GSS: variants seen among roughly 807,000 people sequenced by gnomAD.
GSS encodes the protein GSH synthetase.
GSS carries 34 observed loss-of-function variants against 60.4 expected under a neutral mutation model. The observed-to-expected ratio is 0.56, with a 90% CI of 0.43 to 0.75. GSS has a LOEUF of 0.75. Ranked by LOEUF, GSS falls within the 30% of genes least tolerant of loss-of-function variation. The probability of loss-of-function intolerance (pLI) is 0.00; values close to 1 mark genes in which losing one functional copy is unlikely to be tolerated. For missense variants in GSS, 499 were observed against 595.1 expected, an observed-to-expected ratio of 0.84 and a Z score of 1.68; for synonymous variants, 224 against 239.0, an observed-to-expected ratio of 0.94 and a Z score of 0.58.
upstream of GSS, chr20:34,955,979 G>A (rs1218735856): frequency 6.6e-6 from 1 of 152,340 alleles, no homozygotes; most frequent in Admixed American, 6.5e-5. Context: ...GGAGGGGAGG[G>A]GACCATCGGG....
intron 9 of GSS, among the ~76,000 whole-genome samples, chr20:34,932,587 C>A (rs1488747487): frequency 6.6e-6 from 1 of 152,222 alleles, no homozygotes; most frequent in Non-Finnish European, 1.5e-5. Flanking sequence ...GCTTTTCCCT[C>A]AACCTGAAAC....
chr20:34,942,918 TG>T lies in GSS; in HGVS notation c.351+12del. 1.3e-6 allele frequency: 2 copies of T among 1,564,878 alleles called. No homozygotes were observed. The highest frequency in any genetic ancestry group is 1.1e-5 in the South Asian group (1 of 88,900). Reference sequence around the variant, plus strand: ...GACAGGTTACAGACTGGAGTAGGGCTGGGAATGGTTACCTGGGCAATGCCCT... The same window carrying T: ...GACAGGTTACAGACTGGAGTAGGGCTGGAATGGTTACCTGGGCAATGCCCT... On this transcript the variant is annotated intron_variant, in intron 4 of 12. Transcript: ENST00000651619.
At position 34,940,398 on chromosome 20, in the gene GSS, C is replaced by T. The variant is rs115552532; in HGVS notation, c.608+1315G>A. On this transcript the variant is annotated intron_variant, in intron 6 of 12. Transcript: ENST00000651619. ...ACTTGAAAGAATATTTGTCTGATGA[C>T]TTCTAAATGCTTACAGTCTGAGGTT... Among the ~76,000 whole-genome samples the T allele has an allele frequency of 9.0e-3, 1,365 of 152,312 alleles. 28 individuals carry two copies. Among genetic ancestry groups the T allele is most frequent in the African/African-American group, 0.031 (1,298 of 41,554 alleles).
At position 34,936,853 on chromosome 20, in the gene GSS, G is replaced by C. The variant is rs751146392; in HGVS notation, c.690-13C>G. ...CACATGGATGTTCCTGGGAAAAATG[G>C]GCAAGAGCCAGAGGGAATGGATGCT... On this transcript the variant is annotated splice_polypyrimidine_tract_variant and intron_variant, in intron 7 of 12. Transcript: ENST00000651619. 1 of 1,613,378 alleles carries C rather than the reference G, an allele frequency of 6.2e-7. No homozygotes were observed. The highest frequency in any genetic ancestry group is 8.5e-7 in the Non-Finnish European group (1 of 1,179,326).
At position 34,946,106 on chromosome 20, in the gene GSS, C is replaced by T. The variant is rs376165467; in HGVS notation, c.130-8G>A. ...TGGGGCATAGCTCACCACCTGTGATCAAGAAGAGAGAATGGGACAGGGGTA... is the reference window on the plus strand; with the variant it reads ...TGGGGCATAGCTCACCACCTGTGATTAAGAAGAGAGAATGGGACAGGGGTA... On this transcript the variant is annotated splice_polypyrimidine_tract_variant and splice_region_variant and intron_variant, in intron 2 of 12. Transcript: ENST00000651619. 5 of 1,605,736 alleles carry T rather than the reference C, an allele frequency of 3.1e-6. No homozygotes were observed. Among genetic ancestry groups the T allele is most frequent in the African/African-American group, 1.3e-5 (1 of 74,678 alleles).
chr20:34,938,705 G>A (rs942911482), intron 6 of GSS, among the ~76,000 whole-genome samples: 3 of 152,206 alleles, frequency 2.0e-5, no homozygotes, highest in African/African-American at 7.2e-5. Flanking sequence ...CCTGCCAACT[G>A]CTAAACAATC....
At chr20:34,949,723 A>T (rs2081552120) in intron 2 of GSS, 1 of 152,110 alleles carries the variant, frequency 6.6e-6, no homozygotes, top group African/African-American at 2.4e-5. Flanking sequence ...CGGTTTCCTT[A>T]TCTCTGTTGT....
At chr20:34,929,025 T>G in intron 12 of GSS, 74 bp from the exon 13 acceptor site, 1 of 1,575,616 alleles carries the variant, frequency 6.3e-7, no homozygotes, top group Non-Finnish European at 8.7e-7. Context: ...TGGACCCAGC[T>G]GAGCAGTACC....
Position 34,938,362 on chromosome 20 carries a change from G to A in GSS, c.609-1339C>T, listed in dbSNP as rs2081457158. ...TGTTTGCCTGACTCCTTTCTGCTTA[G>A]CCAAAATATAGGTCTTAGTAAGTCC... On this transcript the variant is annotated intron_variant, in intron 6 of 12. Coordinates refer to ENST00000651619, the MANE Select transcript of GSS (RefSeq NM_000178.4). Among the ~76,000 whole-genome samples the A allele has an allele frequency of 4.6e-5, 7 of 152,270 alleles. No individual in the cohort carries two copies. The South Asian group carries it at 1.5e-3, about 32-fold the overall frequency.
In GSS at chr20:34,945,945, T is replaced by C. The variant is rs1555888744; in HGVS notation, c.275+8A>G. 5.6e-6 allele frequency: 9 copies of C among 1,613,864 alleles called. No homozygotes were observed. The highest frequency in any genetic ancestry group is 7.6e-6 in the Non-Finnish European group (9 of 1,179,862). ...CTCCTGGCCCCCCAATGCTTCACTG[T>C]CCCCTACCTGGAAAGAGTTTGCTCC... is the stretch of plus-strand genomic sequence containing the variant. On this transcript the variant is annotated splice_region_variant and intron_variant, in intron 3 of 12. Coordinates refer to ENST00000651619, the MANE Select transcript of GSS (RefSeq NM_000178.4).
chr20:34,946,068 G>C lies in GSS; in HGVS notation c.160C>G (p.Pro54Ala), dbSNP rs1159775868. ...VVSYAPFTLF[P>A]SLVPSALLEQ... ...AGCAGGGCACTGGGGACCAGTGAGG[G>C]GAAGAGCGTGAATGGGGCATAGCTC... The change falls in exon 3 of 13, where the codon CCC becomes GCC. Residue 54 changes from proline (P) to alanine (A), a missense_variant. By Grantham distance (27) the Pro-to-Ala change is conservative. Transcript: ENST00000651619. 1.2e-6 allele frequency: 2 copies of C among 1,613,436 alleles called. No individual in the cohort carries two copies. Among genetic ancestry groups the C allele is most frequent in the East Asian group, 4.5e-5 (2 of 44,896 alleles).
chr20:34,952,097 A>C, intron 1 of GSS: 2 of 554,398 alleles, frequency 3.6e-6, no homozygotes, highest in Non-Finnish European at 6.6e-6. Context: ...TCCCAACACA[A>C]TGGCATTATT....
intron 9 of GSS, among the ~76,000 whole-genome samples, chr20:34,934,796 G>C (rs1600380681): frequency 2.0e-5 from 3 of 152,336 alleles, no homozygotes; most frequent in Non-Finnish European, 4.4e-5. Context: ...CATAGAAACA[G>C]ACCTAGAAAG....
chr20:34,928,977 A>G, intron 12 of GSS, 26 bp from the exon 13 acceptor site: 1 of 1,612,480 alleles, frequency 6.2e-7, no homozygotes, highest in South Asian at 1.1e-5. Context: ...CAGGGGACAC[A>G]CATCACCTGG....
intron 6 of GSS, among the ~76,000 whole-genome samples, chr20:34,937,633 A>G (rs1407884762): frequency 6.6e-6 from 1 of 152,194 alleles, no homozygotes; most frequent in African/African-American, 2.4e-5. Flanking sequence ...ATCTCATAGT[A>G]TTAATGAGAT....
chr20:34,928,804 A>T lies in GSS; in HGVS notation c.*24T>A, dbSNP rs1346151229. The stretch of plus-strand genomic sequence containing the variant: ...AGGAATGACAAATACAGAGGATAGA[A>T]GGTCCCGTGGCCTGGTTGTGCCCTC... On this transcript the variant is annotated 3_prime_UTR_variant, in exon 13 of 13. Transcript: ENST00000651619. 3 of 1,613,858 alleles carry T rather than the reference A, an allele frequency of 1.9e-6. No homozygotes were observed. Among genetic ancestry groups the T allele is most frequent in the Non-Finnish European group, 2.5e-6 (3 of 1,179,782 alleles).
intron 2 of GSS, among the ~76,000 whole-genome samples, chr20:34,948,359 C>T (rs2081539396): frequency 6.6e-6 from 1 of 152,154 alleles, no homozygotes. Flanking sequence ...CTAAGACATC[C>T]CTCTGCCTCT....
At chr20:34,929,076 GTC>G (rs1454101867) in intron 12 of GSS, 125 bp from the exon 13 acceptor site, 2 of 1,153,934 alleles carry the variant, frequency 1.7e-6, no homozygotes, top group Non-Finnish European at 2.6e-6. Context: ...GGATTTTAGA[GTC>G]TCTATGCCTC....
At chr20:34,943,213 C>T (rs560409688) in intron 3 of GSS, among the ~76,000 whole-genome samples, 10 of 152,218 alleles carry the variant, frequency 6.6e-5, no homozygotes, top group African/African-American at 2.4e-4. Context: ...TAGTAGGCAA[C>T]CTCAGGGAAT....
Sources: allele counts gnomAD v4.1 joint callset (sites outside exome capture counted in the v4.1 genomes callset), GRCh38; gene constraint gnomAD v4.1.1; transcripts MANE v1.5; gene names NCBI Gene and HGNC (gene_info 2026-07-23, HGNC 2026-07-21).